ECPAS: variants seen among roughly 807,000 people sequenced by gnomAD.
ECPAS encodes the protein proteasome adapter and scaffold protein ECM29.
ECPAS carries 70 observed loss-of-function variants against 255.1 expected under a neutral mutation model. That is an observed-to-expected ratio of 0.27 (90% CI 0.23 to 0.33). ECPAS has a LOEUF of 0.33. ECPAS is among the 10% of genes least tolerant of loss of function. ECPAS has a pLI of 1.00. For missense variants in ECPAS, 1,817 were observed against 2,206.4 expected, an observed-to-expected ratio of 0.82 and a Z score of 3.54; for synonymous variants, 784 against 775.0, an observed-to-expected ratio of 1.01 and a Z score of -0.19.
At chr9:111,364,747 A>T (rs1052277834) in intron 48 of ECPAS, among the ~76,000 whole-genome samples, 1 of 152,250 alleles carries the variant, frequency 6.6e-6, no homozygotes, top group Non-Finnish European at 1.5e-5. Flanking sequence ...TGACCAGGTA[A>T]TCAAAATTAA....
intron 15 of ECPAS, among the ~76,000 whole-genome samples, chr9:111,421,716 T>A (rs968431440): frequency 6.6e-6 from 1 of 152,088 alleles, no homozygotes; most frequent in African/African-American, 2.4e-5. Flanking sequence ...CATGGAAAGC[T>A]CTAAACATAA....
intron 17 of ECPAS, among the ~76,000 whole-genome samples, chr9:111,416,693 CA>C (rs1564530444): frequency 6.6e-6 from 1 of 152,068 alleles, no homozygotes. Context: ...ATCTTCTGAC[CA>C]CAAATAGACT....
chr9:111,379,739 T>C (rs2098138170), intron 35 of ECPAS, among the ~76,000 whole-genome samples: 1 of 152,224 alleles, frequency 6.6e-6, no homozygotes, highest in African/African-American at 2.4e-5. Flanking sequence ...TTGTGGTCAT[T>C]TTAACAATGT....
intron 35 of ECPAS, among the ~76,000 whole-genome samples, chr9:111,379,470 T>C (rs368534484): frequency 6.6e-6 from 1 of 152,356 alleles, no homozygotes; most frequent in East Asian, 1.9e-4. Context: ...TGGAGGGTCC[T>C]ACCTCAATGG....
chr9:111,364,011 T>A (rs1305567019), intron 48 of ECPAS, among the ~76,000 whole-genome samples: 1 of 152,186 alleles, frequency 6.6e-6, no homozygotes, highest in African/African-American at 2.4e-5. Context: ...TAGGTCTACA[T>A]GACCCTCCTC....
chr9:111,425,243 C>T (rs182414876), intron 12 of ECPAS, among the ~76,000 whole-genome samples, 175 bp downstream of exon 12: 1 of 151,384 alleles, frequency 6.6e-6, no homozygotes, highest in East Asian at 1.9e-4. Flanking sequence ...TTATTTCCCC[C>T]CAAAAAAGCA....
chr9:111,453,315 C>T (rs1333058782), intron 2 of ECPAS, among the ~76,000 whole-genome samples: 1 of 152,012 alleles, frequency 6.6e-6, no homozygotes, highest in African/African-American at 2.4e-5. Context: ...AACGTCATTG[C>T]CCAAGCAATG....
At chr9:111,368,406 T>C (rs545824702) in intron 46 of ECPAS, among the ~76,000 whole-genome samples, 1 of 152,324 alleles carries the variant, frequency 6.6e-6, no homozygotes, top group East Asian at 1.9e-4. Context: ...TGTGCATTCC[T>C]CTGAATAGAG....
In ECPAS at chr9:111,417,036, G is replaced by A. The variant is rs181370552; in HGVS notation, c.1684-684C>T. On this transcript the variant is annotated intron_variant, in intron 17 of 49. Transcript: ENST00000684092. ...TAAAGCGTGCCCTTAAAAATAAAAA[G>A]GAGAACCAGCGTGGGCAATATAGCA... Among the ~76,000 whole-genome samples the A allele has an allele frequency of 1.8e-3, 277 of 152,100 alleles. 4 individuals carry two copies. Among genetic ancestry groups the A allele is most frequent in the African/African-American group, 5.9e-3 (244 of 41,486 alleles).
At chr9:111,427,178 T>C (rs1431410184) in intron 10 of ECPAS, among the ~76,000 whole-genome samples, 1 of 137,912 alleles carries the variant, frequency 7.3e-6, no homozygotes. Flanking sequence ...AAAAAAGCAA[T>C]GAAAAAGAAA....
intron 6 of ECPAS, among the ~76,000 whole-genome samples, chr9:111,440,046 TGAGA>T (rs1176229925): frequency 6.6e-6 from 1 of 150,854 alleles, no homozygotes; most frequent in South Asian, 2.1e-4. Flanking sequence ...TTTTTTTTTT[TGAGA>T]GAGAGTCTCG....
Position 111,412,049 on chromosome 9 carries a change from T to C in ECPAS, c.2179A>G (p.Ile727Val). Residue 727 changes from isoleucine to valine, a missense_variant, in exon 21 of 50, where the codon ATA becomes GTA. This residue lies in a region of ECPAS where 194 missense variants were observed against 152.8 expected (regional missense o/e 1.27). Coordinates refer to ENST00000684092, the MANE Select transcript of ECPAS (RefSeq NM_001364929.1). ...TTTGTAGTCTTTATAAGCTGTTCTA[T>C]CATTGATTTCAACTCATTCCCCGAC... Reference protein sequence around the residue: ...TVSGNELKSMIEQLIKTTKDN... With the variant: ...TVSGNELKSMVEQLIKTTKDN... 1 of 1,586,762 alleles carries C rather than the reference T, an allele frequency of 6.3e-7. No homozygotes were observed.
chr9:111,435,433 T>C (rs998378409), intron 7 of ECPAS, among the ~76,000 whole-genome samples: 13 of 152,266 alleles, frequency 8.5e-5, no homozygotes, highest in East Asian at 3.9e-4. Flanking sequence ...AAGATTGTAA[T>C]TGAACAATAA....
chr9:111,376,936 C>T (rs1191919898), intron 36 of ECPAS, among the ~76,000 whole-genome samples: 1 of 152,162 alleles, frequency 6.6e-6, no homozygotes, highest in Non-Finnish European at 1.5e-5. Context: ...TTTGTAATTA[C>T]CCTTCGTATC....
intron 6 of ECPAS, among the ~76,000 whole-genome samples, chr9:111,439,159 G>T (rs957295684): frequency 6.6e-6 from 1 of 152,162 alleles, no homozygotes; most frequent in Non-Finnish European, 1.5e-5. Context: ...CGGGTGTTTT[G>T]TGTTTTTATG....
chr9:111,419,633 A>AG (rs2098210067), intron 16 of ECPAS, among the ~76,000 whole-genome samples: 1 of 151,684 alleles, frequency 6.6e-6, no homozygotes. Context: ...ATTAATACAT[A>AG]TGTCAAACCA....
chr9:111,380,297 A>G (rs2098138970), intron 35 of ECPAS, among the ~76,000 whole-genome samples: 1 of 152,222 alleles, frequency 6.6e-6, no homozygotes, highest in East Asian at 1.9e-4. Context: ...CTTTGAAAGG[A>G]ATCTTTGGGG....
intron 36 of ECPAS, among the ~76,000 whole-genome samples, chr9:111,377,870 G>C (rs1441137616): frequency 6.6e-6 from 1 of 152,288 alleles, no homozygotes; most frequent in South Asian, 2.1e-4. Context: ...GATCAGGCTG[G>C]GTGCGGTGGC....
chr9:111,387,498 CTCA>C (rs1208624079), intron 31 of ECPAS, among the ~76,000 whole-genome samples: 5 of 151,504 alleles, frequency 3.3e-5, no homozygotes, highest in Admixed American at 2.6e-4. Flanking sequence ...CAGAGTCTCA[CTCA>C]TCATCAGTGC....
Sources: allele counts gnomAD v4.1 joint callset (sites outside exome capture counted in the v4.1 genomes callset), GRCh38; gene constraint gnomAD v4.1.1; regional missense constraint gnomAD v4.1.1; transcripts MANE v1.5; gene names NCBI Gene and HGNC (gene_info 2026-07-23, HGNC 2026-07-21).